The following BCAR3 variants were observed in gnomAD, a reference collection of about 807,000 sequenced individuals.
BCAR3 encodes the protein BCAR3 adaptor protein, NSP family member, also known as breast cancer anti-estrogen resistance protein 3.
Under a neutral mutation model 80.1 loss-of-function variants are expected in BCAR3, and 37 were observed. The observed-to-expected ratio is 0.46, with a 90% confidence interval of 0.36 to 0.61. The LOEUF (loss-of-function observed/expected upper bound fraction) is 0.61. Ranked by LOEUF, BCAR3 falls within the 20% of genes least tolerant of loss-of-function variation. The probability of loss-of-function intolerance (pLI) is 0.00; values close to 1 mark genes in which losing one functional copy is unlikely to be tolerated. For missense variants in BCAR3, 978 were observed against 1,068.2 expected (o/e 0.92, Z 1.18); for synonymous variants, 389 against 418.9 (o/e 0.93, Z 0.87).
intron 2 of BCAR3, among the ~76,000 whole-genome samples, chr1:93,786,312 A>G (rs1652944535): frequency 6.6e-6 from 1 of 151,614 alleles, no homozygotes; most frequent in South Asian, 2.1e-4. Context: ...TGTGGAGTGC[A>G]GAGGACCATG....
At chr1:93,591,350 C>T (rs1221751228) in intron 4 of BCAR3, among the ~76,000 whole-genome samples, 1 of 152,028 alleles carries the variant, frequency 6.6e-6, no homozygotes, top group East Asian at 1.9e-4. Context: ...TGGTGGACAC[C>T]TGTAATCCCA....
intron 3 of BCAR3, among the ~76,000 whole-genome samples, chr1:93,632,319 G>A (rs2101899641): frequency 6.6e-6 from 1 of 152,300 alleles, no homozygotes; most frequent in African/African-American, 2.4e-5. Flanking sequence ...AGGCCATAGT[G>A]TCACAACTAC....
At chr1:93,664,737 T>A (rs964310240) in intron 2 of BCAR3, among the ~76,000 whole-genome samples, 2 of 152,142 alleles carry the variant, frequency 1.3e-5, no homozygotes, top group East Asian at 1.9e-4. Context: ...TCAGTCAAAT[T>A]GAATAGGGTA....
intron 2 of BCAR3, among the ~76,000 whole-genome samples, chr1:93,747,874 T>A (rs1651412567): frequency 1.3e-5 from 2 of 151,300 alleles, no homozygotes; most frequent in African/African-American, 4.9e-5. Context: ...GATGAAAACC[T>A]CTAGGCTTTT....
intron 2 of BCAR3, among the ~76,000 whole-genome samples, chr1:93,749,466 G>T (rs1280800615): frequency 6.6e-6 from 1 of 151,832 alleles, no homozygotes; most frequent in Non-Finnish European, 1.5e-5. Context: ...ACAGGAGCCT[G>T]TAGTCCCAGC....
intron 3 of BCAR3, among the ~76,000 whole-genome samples, chr1:93,628,530 C>G (rs2101896468): frequency 6.6e-6 from 1 of 152,338 alleles, no homozygotes; most frequent in African/African-American, 2.4e-5. Flanking sequence ...CTCGTTCCTC[C>G]ATGGAAGAGG....
At chr1:93,735,831 C>A (rs1305652569) in intron 2 of BCAR3, among the ~76,000 whole-genome samples, 3 of 152,238 alleles carry the variant, frequency 2.0e-5, no homozygotes, top group African/African-American at 7.2e-5. Flanking sequence ...AGGAGCCAAA[C>A]TTCCTTAGGA....
At chr1:93,654,318 C>T (rs775381548) in intron 2 of BCAR3, among the ~76,000 whole-genome samples, 25 of 152,224 alleles carry the variant, frequency 1.6e-4, no homozygotes, top group Admixed American at 2.6e-4. Context: ...GGGACCCTGC[C>T]GCTGGTGCAG....
intron 2 of BCAR3, among the ~76,000 whole-genome samples, chr1:93,757,338 C>A (rs1013249188): frequency 6.6e-6 from 1 of 152,138 alleles, no homozygotes; most frequent in East Asian, 1.9e-4. Context: ...CAGCTCCCCC[C>A]ATTTTCTCTT....
intron 7 of BCAR3, among the ~76,000 whole-genome samples, chr1:93,581,310 A>G (rs1557842683): frequency 6.6e-6 from 1 of 152,248 alleles, no homozygotes; most frequent in African/African-American, 2.4e-5. Flanking sequence ...GTATCCATTT[A>G]CAGAGAAAAT....
chr1:93,608,563 G>A (rs927286650), intron 3 of BCAR3, among the ~76,000 whole-genome samples: 4 of 152,170 alleles, frequency 2.6e-5, no homozygotes, highest in Admixed American at 2.6e-4. Context: ...AGTCCTGGAG[G>A]TGCTGAATCC....
At chr1:93,843,867 T>A (rs540374840) in intron 2 of BCAR3, among the ~76,000 whole-genome samples, 78 of 152,336 alleles carry the variant, frequency 5.1e-4, no homozygotes, top group Non-Finnish European at 9.0e-4. Context: ...TAGGCCTAAC[T>A]GTATTGTCCC....
At chr1:93,775,634 C>G (rs1040113944) in intron 2 of BCAR3, among the ~76,000 whole-genome samples, 5 of 152,150 alleles carry the variant, frequency 3.3e-5, no homozygotes, top group Admixed American at 2.6e-4. Flanking sequence ...AAAAAAGTGC[C>G]TGCCATTCAG....
intron 2 of BCAR3, among the ~76,000 whole-genome samples, chr1:93,752,440 C>A (rs1378435921): frequency 6.6e-6 from 1 of 152,240 alleles, no homozygotes; most frequent in African/African-American, 2.4e-5. Flanking sequence ...TTCCTGCCCC[C>A]ACCCACGGCT....
At chr1:93,844,327 A>C (rs1392856927) in intron 2 of BCAR3, among the ~76,000 whole-genome samples, 1 of 152,140 alleles carries the variant, frequency 6.6e-6, no homozygotes, top group Non-Finnish European at 1.5e-5. Flanking sequence ...TAAAAATAAA[A>C]CACCAACATG....
At chr1:93,609,156 T>C (rs1372855757) in intron 3 of BCAR3, among the ~76,000 whole-genome samples, 2 of 152,156 alleles carry the variant, frequency 1.3e-5, no homozygotes, top group Non-Finnish European at 2.9e-5. Flanking sequence ...CAGGCTGTAA[T>C]ATGGATTCCA....
chr1:93,568,037 T>C (rs1673031371), intron 9 of BCAR3, 186 bp from the exon 10 acceptor site: 2 of 491,230 alleles, frequency 4.1e-6, no homozygotes, highest in African/African-American at 2.0e-5. Flanking sequence ...AATACAAAAA[T>C]TAGCCAGGCG....
intron 11 of BCAR3, 126 bp from the exon 12 acceptor site, chr1:93,562,545 G>A: frequency 1.4e-6 from 1 of 706,118 alleles, no homozygotes; most frequent in South Asian, 2.1e-5. Context: ...CGAGGTGGGT[G>A]GATCACAAGA....
At chr1:93,786,909 C>G (rs1652968893) in intron 2 of BCAR3, among the ~76,000 whole-genome samples, 1 of 152,138 alleles carries the variant, frequency 6.6e-6, no homozygotes, top group Non-Finnish European at 1.5e-5. Context: ...ATCATCTGGG[C>G]CAATGTTCCT....
Sources: gnomAD v4.1 joint callset for allele counts (sites outside exome capture counted in the v4.1 genomes callset) on GRCh38, gnomAD v4.1.1 for gene constraint, MANE v1.5 for transcripts, NCBI Gene and HGNC (gene_info 2026-07-23, HGNC 2026-07-21) for gene names.